Variants in ANK3 observed in about 807,000 individuals in gnomAD.
ANK3 encodes ankyrin-3.
ANK3 carries 57 observed loss-of-function variants against 370.9 expected under a neutral mutation model. That is an observed-to-expected ratio of 0.15 (90% confidence interval 0.12 to 0.19). The LOEUF is 0.19. Among genes scored for constraint, ANK3 ranks in the 10% least tolerant of loss-of-function variants. The probability of loss-of-function intolerance (pLI) is 1.00; values close to 1 mark genes in which losing one functional copy is unlikely to be tolerated. For synonymous variants in ANK3, 1,929 were observed against 1,946.3 expected, an observed-to-expected ratio of 0.99 and a Z score of 0.23; for missense variants, 4,439 against 5,302.1, an observed-to-expected ratio of 0.84 and a Z score of 5.06.
At chr10:60,244,537 A>G (rs1430368999) in intron 7 of ANK3, among the ~76,000 whole-genome samples, 1 of 152,236 alleles carries the variant, frequency 6.6e-6, no homozygotes, top group Non-Finnish European at 1.5e-5. Flanking sequence ...TGATTAAAAA[A>G]TAAGTCGAAG....
At chr10:60,469,066 TATATATA>T (rs2065094148) in intron 2 of ANK3, among the ~76,000 whole-genome samples, 2 of 644 alleles carry the variant, frequency 3.1e-3, no homozygotes, top group Non-Finnish European at 8.5e-3. Context: ...CCACTTTTAG[TATATATA>T]TATATATATA....
At chr10:60,466,537 A>G (rs1360676708) in intron 2 of ANK3, among the ~76,000 whole-genome samples, 1 of 152,172 alleles carries the variant, frequency 6.6e-6, no homozygotes, top group East Asian at 1.9e-4. Flanking sequence ...AAATATAGTT[A>G]CTATTTGACC....
intron 2 of ANK3, among the ~76,000 whole-genome samples, chr10:60,485,814 C>T (rs1038659030): frequency 2.0e-5 from 3 of 152,080 alleles, no homozygotes; most frequent in Non-Finnish European, 4.4e-5. Context: ...ATGATGGGCA[C>T]ATTGAGAACA....
At chr10:60,063,472 G>A (rs1035777936) in intron 39 of ANK3, among the ~76,000 whole-genome samples, 5 of 152,202 alleles carry the variant, frequency 3.3e-5, no homozygotes, top group Non-Finnish European at 7.3e-5. Context: ...TGTTCCACTG[G>A]AACAGTGCGG....
intron 1 of ANK3, among the ~76,000 whole-genome samples, chr10:60,332,517 C>T (rs1268199171): frequency 6.6e-6 from 1 of 152,146 alleles, no homozygotes; most frequent in Non-Finnish European, 1.5e-5. Context: ...AGTTGCACCC[C>T]TTTGTAGTCA....
chr10:60,428,021 C>T (rs2063928313), intron 2 of ANK3, among the ~76,000 whole-genome samples: 1 of 152,164 alleles, frequency 6.6e-6, no homozygotes, highest in African/African-American at 2.4e-5. Context: ...CATAACCTGT[C>T]TAGCCCCAGA....
At chr10:60,467,782 A>C (rs2065043048) in intron 2 of ANK3, among the ~76,000 whole-genome samples, 1 of 152,106 alleles carries the variant, frequency 6.6e-6, no homozygotes, top group South Asian at 2.1e-4. Context: ...AAAAAGGAAA[A>C]CAGTTTAAGC....
chr10:60,072,118 T>G lies in ANK3; in HGVS notation c.8763A>C (p.Val2921=). 3 of 1,614,010 alleles carry G rather than the reference T, an allele frequency of 1.9e-6. No individual in the cohort carries two copies. Among genetic ancestry groups the G allele is most frequent in the Non-Finnish European group, 2.5e-6 (3 of 1,180,004 alleles). The change falls in exon 37 of 44, where the codon GTA becomes GTC. Residue 2921 remains valine (V), a synonymous_variant. Transcript: ENST00000280772. ...ATAAGACTTTTTTGGAGGGAGATTT[T>G]ACAGTCATTTCTTTAATTTCTGAGA... ...GSLSEIKEMT[V]KSPSKKVLYR...
At chr10:60,037,104 C>T (rs1011583021) in intron 43 of ANK3, among the ~76,000 whole-genome samples, 1 of 152,100 alleles carries the variant, frequency 6.6e-6, no homozygotes, top group African/African-American at 2.4e-5. Context: ...TCCACTCTAC[C>T]CACCATGCTA....
chr10:60,082,095 A>G, intron 35 of ANK3, 55 bp downstream of exon 35: 1 of 1,443,376 alleles, frequency 6.9e-7, no homozygotes, highest in Non-Finnish European at 9.6e-7. Context: ...TCTGTCATAC[A>G]GATTCAATTT....
chr10:60,585,018 A>G (rs2077811734), intron 2 of ANK3, among the ~76,000 whole-genome samples: 1 of 152,176 alleles, frequency 6.6e-6, no homozygotes, highest in African/African-American at 2.4e-5. Context: ...GGTATCCTTC[A>G]AGATCTCTAA....
chr10:60,479,217 T>C lies in ANK3; in HGVS notation c.96+135969A>G, dbSNP rs2075148964. The stretch of plus-strand genomic sequence containing the variant: ...CATGCACCACATAACGTTTCAATGA[T>C]AAACCACATATATGATGGTGGTTAC... On this transcript the variant is annotated intron_variant, in intron 2 of 43. Transcript: ENST00000373827. 2.0e-5 allele frequency among the ~76,000 whole-genome samples: 3 copies of C among 152,182 alleles called. No individual in the cohort carries two copies. The South Asian group carries it at 6.2e-4, about 32-fold the overall frequency.
intron 1 of ANK3, among the ~76,000 whole-genome samples, chr10:60,337,296 C>A (rs537971969): frequency 5.3e-5 from 8 of 152,268 alleles, no homozygotes; most frequent in Non-Finnish European, 1.0e-4. Context: ...AGTTCCATGT[C>A]TTCCATGTAG....
At chr10:60,535,699 T>G in intron 2 of ANK3, among the ~76,000 whole-genome samples, 1 of 152,052 alleles carries the variant, frequency 6.6e-6, no homozygotes, top group East Asian at 1.9e-4. Flanking sequence ...AAATATTGGT[T>G]CTGGGGTTGG....
intron 28 of ANK3, among the ~76,000 whole-genome samples, chr10:60,095,627 C>T (rs1019040580): frequency 6.6e-6 from 1 of 152,194 alleles, no homozygotes; most frequent in Admixed American, 6.5e-5. Context: ...AAGCAATCCT[C>T]TGCCTCAACC....
At chr10:60,195,900 T>C (rs917230559) in intron 16 of ANK3, among the ~76,000 whole-genome samples, 1 of 152,224 alleles carries the variant, frequency 6.6e-6, no homozygotes, top group African/African-American at 2.4e-5. Flanking sequence ...GTTCCAGCTC[T>C]CCTTCCTCCA....
chr10:60,176,192 A>AACAAAC (rs1555069285), intron 18 of ANK3, among the ~76,000 whole-genome samples: 1 of 143,936 alleles, frequency 6.9e-6, no homozygotes, highest in African/African-American at 2.6e-5. Context: ...AAAAAAAAAA[A>AACAAAC]AAACAAAAAA....
chr10:60,101,594 A>C (rs1453080327), intron 28 of ANK3, among the ~76,000 whole-genome samples: 1 of 152,226 alleles, frequency 6.6e-6, no homozygotes, highest in Admixed American at 6.5e-5. Flanking sequence ...TGCCAAAGTT[A>C]AAGTTGTTCT....
At chr10:60,350,599 T>C (rs2056652938) in intron 1 of ANK3, among the ~76,000 whole-genome samples, 1 of 152,192 alleles carries the variant, frequency 6.6e-6, no homozygotes, top group Non-Finnish European at 1.5e-5. Context: ...AACCAAGAGA[T>C]TCTCTTAAAC....
Sources: gnomAD v4.1 joint callset for allele counts (sites outside exome capture counted in the v4.1 genomes callset) on GRCh38, gnomAD v4.1.1 for gene constraint, MANE v1.5 for transcripts, NCBI Gene and HGNC (gene_info 2026-07-23, HGNC 2026-07-21) for gene names.